The following SHLD2 variants were observed in gnomAD, a reference collection of about 807,000 sequenced individuals.
The protein encoded by SHLD2 is shieldin complex subunit 2, also known as RINN1-REV7-interacting novel NHEJ regulator 2.
In SHLD2, 30 loss-of-function variants were observed where a neutral mutation model predicts 73.2. That is an observed-to-expected ratio of 0.41 (90% confidence interval 0.31 to 0.56). The LOEUF is 0.56. Ranked by LOEUF, SHLD2 falls within the 20% of genes least tolerant of loss-of-function variation. The pLI, the probability that SHLD2 is intolerant of heterozygous loss-of-function variation, is 0.28. For missense variants in SHLD2, 745 were observed against 1,055.9 expected, an observed-to-expected ratio of 0.71 and a Z score of 4.08; for synonymous variants, 285 against 370.1, an observed-to-expected ratio of 0.77 and a Z score of 2.64.
In SHLD2 at chr10:87,108,813, T is replaced by A. The variant is rs1589437541; in HGVS notation, c.-6+11824T>A. Among the ~76,000 whole-genome samples the A allele has an allele frequency of 3.9e-5, 6 of 152,306 alleles. 1 individual carries two copies. In the South Asian group the frequency reaches 1.2e-3, roughly 32 times the overall value. ...TCCTCACAGAGCCCACCCCTTCCCT[T>A]TTTTTCCCTATGGTAGATGGTATTG... On this transcript the variant is annotated intron_variant, in intron 2 of 9. Coordinates refer to ENST00000298786, the MANE Select transcript of SHLD2 (RefSeq NM_001330112.2).
At chr10:87,145,487 G>A (rs1845539209) in intron 2 of SHLD2, among the ~76,000 whole-genome samples, 1 of 151,604 alleles carries the variant, frequency 6.6e-6, no homozygotes, top group Admixed American at 6.6e-5. Flanking sequence ...ATCCCATGTG[G>A]CTTCTTTGTC....
At chr10:87,163,415 CAAAT>C (rs993613047) in intron 4 of SHLD2, among the ~76,000 whole-genome samples, 9 of 152,152 alleles carry the variant, frequency 5.9e-5, no homozygotes, top group South Asian at 2.1e-4. Context: ...GTGACACTAA[CAAAT>C]GAATGTAATA....
intron 2 of SHLD2, among the ~76,000 whole-genome samples, chr10:87,102,166 C>T (rs1161439662): frequency 1.3e-5 from 2 of 152,080 alleles, no homozygotes; most frequent in Admixed American, 6.6e-5. Flanking sequence ...AAGGTTATTT[C>T]CAAACTCTTG....
intron 2 of SHLD2, among the ~76,000 whole-genome samples, chr10:87,127,529 G>GCCCC (rs1225003390): frequency 8.2e-5 from 2 of 24,372 alleles, no homozygotes; most frequent in African/African-American, 5.8e-4. Flanking sequence ...CCTCTTACCC[G>GCCCC]CCCCCCCCCA....
intron 2 of SHLD2, among the ~76,000 whole-genome samples, chr10:87,117,433 T>C (rs1195896682): frequency 5.3e-5 from 8 of 151,548 alleles, no homozygotes; most frequent in African/African-American, 1.9e-4. Flanking sequence ...AAAAAGAACT[T>C]TTGCTCAAAG....
At chr10:87,185,030 G>A (rs554126525) in intron 8 of SHLD2, among the ~76,000 whole-genome samples, 115 of 152,136 alleles carry the variant, frequency 7.6e-4, no homozygotes, top group Non-Finnish European at 1.0e-3. Flanking sequence ...GGACATTTTC[G>A]TCACCCAGCC....
chr10:87,113,849 AAC>A, intron 2 of SHLD2: 2 of 152,198 alleles, frequency 1.3e-5, no homozygotes, highest in Admixed American at 1.3e-4. Context: ...CTATTAAAAA[AAC>A]AAAAACTGGC....
intron 2 of SHLD2, among the ~76,000 whole-genome samples, chr10:87,131,743 C>T (rs932969824): frequency 5.9e-5 from 9 of 152,092 alleles, no homozygotes; most frequent in African/African-American, 1.9e-4. Flanking sequence ...TGTGGAATTG[C>T]GGGATCATAT....
chr10:87,143,391 T>G (rs896864577), intron 2 of SHLD2, among the ~76,000 whole-genome samples: 1 of 152,168 alleles, frequency 6.6e-6, no homozygotes, highest in African/African-American at 2.4e-5. Flanking sequence ...TCCAAAAAAC[T>G]CTTATCCCAT....
intron 6 of SHLD2, among the ~76,000 whole-genome samples, chr10:87,172,613 T>C (rs748386076): frequency 3.3e-5 from 5 of 151,978 alleles, no homozygotes; most frequent in Non-Finnish European, 7.4e-5. Context: ...GAGGCTGAGG[T>C]GGGTGGATTG....
chr10:87,099,137 A>G (rs941017505), intron 2 of SHLD2, among the ~76,000 whole-genome samples: 3 of 152,244 alleles, frequency 2.0e-5, no homozygotes, highest in African/African-American at 7.2e-5. Flanking sequence ...TTCAGCTTGA[A>G]GGGAACATTC....
In SHLD2 at chr10:87,143,444, CT is replaced by C. The variant is rs565664394; in HGVS notation, c.-5-7899del. The stretch of plus-strand genomic sequence containing the variant: ...ACACAGACCTGGCAGCCATGATCCT[CT>C]TTTTTTCCCCCTTAGTTGTCAAACA... On this transcript the variant is annotated intron_variant, in intron 2 of 9. Coordinates refer to ENST00000298786, the MANE Select transcript of SHLD2 (RefSeq NM_001330112.2). Among the ~76,000 whole-genome samples, 218 of 152,264 alleles carry C rather than the reference CT, an allele frequency of 1.4e-3. 1 individual carries two copies. The East Asian group carries it at 0.034, about 24-fold the overall frequency.
chr10:87,122,970 G>A (rs1414444285), intron 2 of SHLD2, among the ~76,000 whole-genome samples: 4 of 152,102 alleles, frequency 2.6e-5, no homozygotes, highest in African/African-American at 7.2e-5. Context: ...GTAAAGATGG[G>A]GTTTCACCAT....
rs1322027480 is a variant in SHLD2, at chr10:87,170,885, T to G, written c.1874T>G (p.Leu625Ter). The change falls in exon 6 of 10, where the codon TTA becomes TGA. Residue 625 changes from leucine (L) to a stop codon, truncating the protein, a stop_gained. Coordinates refer to ENST00000298786, the MANE Select transcript of SHLD2 (RefSeq NM_001330112.2). LOFTEE classifies it high-confidence loss of function. ...GGACAGAAGCAGAAAAAAGTTATGT[T>G]AACAGTGGAACAGGCCCAAGATCAA... ...YRGQKQKKVM[L>*]TVEQAQDQHY... 6.2e-7 allele frequency: 1 copy of G among 1,610,020 alleles called. No homozygotes were observed. The highest frequency in any genetic ancestry group is 1.3e-5 in the African/African-American group (1 of 74,562).
At chr10:87,105,927 C>G (rs1156639176) in intron 2 of SHLD2, among the ~76,000 whole-genome samples, 1 of 152,226 alleles carries the variant, frequency 6.6e-6, no homozygotes, top group Non-Finnish European at 1.5e-5. Context: ...GGAAGACTTA[C>G]TGGCACTTTT....
chr10:87,126,740 T>A (rs1844039211), intron 2 of SHLD2, among the ~76,000 whole-genome samples: 1 of 152,170 alleles, frequency 6.6e-6, no homozygotes, highest in Admixed American at 6.5e-5. Context: ...GCGTACACTT[T>A]ATTGTTCTTG....
intron 8 of SHLD2, among the ~76,000 whole-genome samples, chr10:87,185,090 C>A (rs377208160): frequency 6.6e-6 from 1 of 152,132 alleles, no homozygotes; most frequent in Non-Finnish European, 1.5e-5. Flanking sequence ...TCCCCATGCC[C>A]CTCAACCTAT....
At chr10:87,153,659 G>T (rs1260497517) in intron 3 of SHLD2, among the ~76,000 whole-genome samples, 2 of 151,968 alleles carry the variant, frequency 1.3e-5, no homozygotes, top group Non-Finnish European at 2.9e-5. Flanking sequence ...CATATTTATT[G>T]GGAGCTTAGT....
intron 4 of SHLD2, among the ~76,000 whole-genome samples, chr10:87,162,964 C>A (rs1846925806): frequency 6.6e-6 from 1 of 152,094 alleles, no homozygotes; most frequent in Non-Finnish European, 1.5e-5. Context: ...ACCTAGCAAT[C>A]CCACTTCTAG....
Sources: gnomAD v4.1 joint callset for allele counts (sites outside exome capture counted in the v4.1 genomes callset) on GRCh38, gnomAD v4.1.1 for gene constraint, MANE v1.5 for transcripts, NCBI Gene and HGNC (gene_info 2026-07-23, HGNC 2026-07-21) for gene names.